TLL2: variants seen among roughly 807,000 people sequenced by gnomAD.
The protein encoded by TLL2 is tolloid-like protein 2.
A neutral mutation model predicts 123.0 loss-of-function variants in TLL2; 106 were observed. The ratio of observed to expected loss-of-function variants is 0.86; its 90% confidence interval spans 0.74 to 1.01. TLL2 has a LOEUF of 1.01. Ranked by LOEUF, TLL2 falls within the 50% of genes least tolerant of loss-of-function variation. TLL2 has a pLI of 0.00. For synonymous variants in TLL2, 494 were observed against 516.8 expected, an observed-to-expected ratio of 0.96 and a Z score of 0.60; for missense variants, 1,332 against 1,336.7, an observed-to-expected ratio of 1.00 and a Z score of 0.06.
intron 9 of TLL2, among the ~76,000 whole-genome samples, chr10:96,407,742 C>G (rs997944649): frequency 6.6e-6 from 1 of 152,216 alleles, no homozygotes; most frequent in Non-Finnish European, 1.5e-5. Flanking sequence ...TCCACAAAGC[C>G]CTGCGATCTC....
chr10:96,385,918 T>C, intron 15 of TLL2, 137 bp downstream of exon 15: 2 of 846,632 alleles, frequency 2.4e-6, no homozygotes, highest in Non-Finnish European at 3.2e-6. Flanking sequence ...CCCCAGATTC[T>C]GCTAGCGCAG....
Position 96,392,854 on chromosome 10 carries a change from G to C in TLL2, c.1726+2333C>G, listed in dbSNP as rs138845004. Among the ~76,000 whole-genome samples, 504 of 152,286 alleles carry C rather than the reference G, an allele frequency of 3.3e-3. 4 individuals are homozygous for C. The highest frequency in any genetic ancestry group is 0.011 in the African/African-American group (472 of 41,542). ...ACTCTGCAGGTGTGGTTAAATGAAGGATCTTGGAGATGAGGAGATTCTCCT... is the reference window on the plus strand; with the variant it reads ...ACTCTGCAGGTGTGGTTAAATGAAGCATCTTGGAGATGAGGAGATTCTCCT... On this transcript the variant is annotated intron_variant, in intron 13 of 20. Transcript: ENST00000357947.
rs1846892923 is a variant in TLL2, at chr10:96,445,821, C to T, written c.364+270G>A. Among the ~76,000 whole-genome samples, 2 of 152,112 alleles carry T rather than the reference C, an allele frequency of 1.3e-5. 1 individual carries two copies. Among genetic ancestry groups the T allele is most frequent in the South Asian group, 4.1e-4 (2 of 4,822 alleles). On this transcript the variant is annotated intron_variant, in intron 3 of 20. Coordinates refer to ENST00000357947, the MANE Select transcript of TLL2 (RefSeq NM_012465.4). ...TTCAGTGCTTCTAGTCCATCTCAGC[C>T]AGTGAGATAGGAAAAGATTCCATAA...
At chr10:96,394,706 C>T (rs542250184) in intron 13 of TLL2, among the ~76,000 whole-genome samples, 36 of 152,244 alleles carry the variant, frequency 2.4e-4, no homozygotes, top group African/African-American at 7.2e-4. Context: ...GGAATTAGGC[C>T]GACTGAATTA....
rs113406248 is a variant in TLL2, at chr10:96,397,260, G to A, written c.1310C>T (p.Thr437Met). The A allele has an allele frequency of 9.5e-5, 153 of 1,613,846 alleles. No individual in the cohort carries two copies. The highest frequency in any genetic ancestry group is 4.8e-4 in the South Asian group (44 of 91,050). ...GAACTCCACCCAGAGCCGGCTGTCCGTGGAGACGAGGGGCTCCGGGATCTT... is the reference window on the plus strand; with the variant it reads ...GAACTCCACCCAGAGCCGGCTGTCCATGGAGACGAGGGGCTCCGGGATCTT... ...GDKIPEPLVS[T>M]DSRLWVEFRS... Residue 437 changes from threonine to methionine, a missense_variant, in exon 11 of 21, where the codon ACG becomes ATG. By Grantham distance (81) the Thr-to-Met change is moderately conservative. Coordinates refer to ENST00000357947, the MANE Select transcript of TLL2 (RefSeq NM_012465.4).
intron 7 of TLL2, among the ~76,000 whole-genome samples, chr10:96,414,096 T>C (rs1419107696): frequency 6.6e-6 from 1 of 152,208 alleles, no homozygotes; most frequent in Non-Finnish European, 1.5e-5. Flanking sequence ...GAAATCAGGT[T>C]GCCAGCTGAG....
chr10:96,436,941 C>A (rs1416205912), intron 3 of TLL2, among the ~76,000 whole-genome samples: 1 of 152,200 alleles, frequency 6.6e-6, no homozygotes, highest in Non-Finnish European at 1.5e-5. Flanking sequence ...CCACCTTGAC[C>A]TCCCAGAAAG....
At chr10:96,471,811 G>A (rs1047591451) in intron 2 of TLL2, among the ~76,000 whole-genome samples, 7 of 152,200 alleles carry the variant, frequency 4.6e-5, no homozygotes, top group African/African-American at 1.7e-4. Context: ...ACAGTGGGGA[G>A]GCACACCAAA....
intron 3 of TLL2, 63 bp from the exon 4 acceptor site, chr10:96,433,025 G>A (rs1303800002): frequency 6.4e-7 from 1 of 1,570,340 alleles, no homozygotes; most frequent in Non-Finnish European, 8.7e-7. Flanking sequence ...TTATGGCTGA[G>A]GTTGTATTAT....
intron 10 of TLL2, among the ~76,000 whole-genome samples, chr10:96,398,165 G>A (rs1846358743): frequency 6.6e-6 from 1 of 152,316 alleles, no homozygotes; most frequent in Admixed American, 6.5e-5. Flanking sequence ...AGGCCCAAGA[G>A]GGGGATGGAA....
In TLL2 at chr10:96,384,779, C is replaced by T; in HGVS notation, c.2014-12G>A. On this transcript the variant is annotated splice_polypyrimidine_tract_variant and intron_variant, in intron 15 of 20. Coordinates refer to ENST00000357947, the MANE Select transcript of TLL2 (RefSeq NM_012465.4). ...TCGTACTTACAGACCTGCAAGGGAG[C>T]ATGATGGGGAGCTTCCCAGAGTCCC... 1 of 1,562,046 alleles carries T rather than the reference C, an allele frequency of 6.4e-7. No homozygotes were observed. Among genetic ancestry groups the T allele is most frequent in the East Asian group, 2.3e-5 (1 of 43,106 alleles).
chr10:96,473,651 C>T (rs1458390969), intron 2 of TLL2, among the ~76,000 whole-genome samples: 1 of 152,130 alleles, frequency 6.6e-6, no homozygotes, highest in Non-Finnish European at 1.5e-5. Flanking sequence ...GACATGGCCC[C>T]GTGGCTCAGA....
At chr10:96,397,125 T>C in intron 11 of TLL2, 61 bp downstream of exon 11, 14 of 1,466,566 alleles carry the variant, frequency 9.5e-6, no homozygotes, top group Non-Finnish European at 1.3e-5. Context: ...GACAGTGGGC[T>C]GCCTGGGAAG....
At chr10:96,500,065 G>A in intron 1 of TLL2, among the ~76,000 whole-genome samples, 1 of 137,300 alleles carries the variant, frequency 7.3e-6, no homozygotes. Context: ...TAAGTCACTT[G>A]AGCCCAGGAG....
intron 2 of TLL2, among the ~76,000 whole-genome samples, chr10:96,478,873 G>GC (rs35383688): frequency 2.0e-5 from 3 of 152,128 alleles, no homozygotes; most frequent in Non-Finnish European, 4.4e-5. Context: ...GGTCCCATGG[G>GC]CGTGTACATA....
intron 1 of TLL2, among the ~76,000 whole-genome samples, chr10:96,500,103 TA>T (rs58735775): frequency 6.1e-3 from 463 of 75,462 alleles, no homozygotes; most frequent in Middle Eastern, 0.026. Context: ...CAACATGATT[TA>T]AAAAAAAAAA....
intron 1 of TLL2, among the ~76,000 whole-genome samples, chr10:96,512,676 C>T (rs1281727434): frequency 2.0e-5 from 3 of 152,274 alleles, no homozygotes; most frequent in African/African-American, 7.2e-5. Flanking sequence ...GTGAGCACCC[C>T]TCTGTCCGTG....
chr10:96,428,771 C>T (rs748826108), intron 4 of TLL2, 23 bp from the exon 5 acceptor site: 103 of 1,476,504 alleles, frequency 7.0e-5, no homozygotes, highest in Middle Eastern at 3.5e-4. Context: ...GGCAAGCACT[C>T]GACTTCAATG....
At chr10:96,433,248 C>A (rs1846763107) in intron 3 of TLL2, among the ~76,000 whole-genome samples, 1 of 152,086 alleles carries the variant, frequency 6.6e-6, no homozygotes, top group South Asian at 2.1e-4. Flanking sequence ...TACCTCACAG[C>A]TCTTTGGGTG....
Sources: allele counts gnomAD v4.1 joint callset (sites outside exome capture counted in the v4.1 genomes callset), GRCh38; gene constraint gnomAD v4.1.1; transcripts MANE v1.5; gene names NCBI Gene and HGNC (gene_info 2026-07-23, HGNC 2026-07-21).